PSMB11: variants seen among roughly 807,000 people sequenced by gnomAD.
PSMB11 encodes the protein proteasome subunit beta 11.
For synonymous variants in PSMB11, 163 were observed against 167.7 expected, an observed-to-expected ratio of 0.97 and a Z score of 0.22; for missense variants, 411 against 408.2, an observed-to-expected ratio of 1.01 and a Z score of -0.06.
In PSMB11 at chr14:23,042,512, G is replaced by A. The variant is rs1160962704; in HGVS notation, c.287G>A (p.Gly96Asp). Reference sequence around the variant, plus strand: ...CAGCACCTCCTGGGTACCACCTCTGGCACCTCTGCCGACTGTGCTACCTGG... The same window carrying A: ...CAGCACCTCCTGGGTACCACCTCTGACACCTCTGCCGACTGTGCTACCTGG... ...VHQHLLGTTS[G>D]TSADCATWYR... Residue 96 changes from glycine (G) to aspartate (D), a missense_variant, in exon 1 of 1, where the codon GGC becomes GAC. Transcript: ENST00000408907. 8 of 1,614,208 alleles carry A rather than the reference G, an allele frequency of 5.0e-6. No individual in the cohort carries two copies. The highest frequency in any genetic ancestry group is 6.8e-6 in the Non-Finnish European group (8 of 1,180,038).
In PSMB11 at chr14:23,042,312, GCCCCGGGGTTGTGA is replaced by G; in HGVS notation, c.91_104del (p.Arg31SerfsTer31). On this transcript the variant is annotated frameshift_variant, in exon 1 of 1. Coordinates refer to ENST00000408907, the MANE Select transcript of PSMB11 (RefSeq NM_001099780.2). LOFTEE classifies it low-confidence loss of function (END_TRUNC). ...TGCCTCGGGCTGGCGGCTGGGCTGTGCCCCGGGGTTGTGACCCTCAAACCTTCCTGCAGATCCAT... is the reference window on the plus strand; with the variant it reads ...TGCCTCGGGCTGGCGGCTGGGCTGTGCCCTCAAACCTTCCTGCAGATCCAT... 3 of 1,613,656 alleles carry G rather than the reference GCCCCGGGGTTGTGA, an allele frequency of 1.9e-6. No individual in the cohort carries two copies. In the South Asian group the frequency reaches 3.3e-5, roughly 18 times the overall value.
At position 23,042,602 on chromosome 14, in the gene PSMB11, C is replaced by T; in HGVS notation, c.377C>T (p.Ala126Val). 1.2e-6 allele frequency: 2 copies of T among 1,614,170 alleles called. No individual in the cohort carries two copies. The highest frequency in any genetic ancestry group is 1.7e-6 in the Non-Finnish European group (2 of 1,180,034). Residue 126 changes from alanine to valine, a missense_variant, in exon 1 of 1, where the codon GCC becomes GTC. Ala to Val is a moderately conservative substitution (Grantham distance 64). Transcript: ENST00000408907. ...ELREGQLPSV[A>V]SAAKLLSAMM... ...AGGGAGGGTCAGCTGCCCAGTGTGG[C>T]CAGTGCTGCCAAGCTCTTGTCAGCC...
Position 23,043,594 on chromosome 14 carries a change from A to G in PSMB11, c.*466A>G, listed in dbSNP as rs1476893245. The G allele has an allele frequency of 5.8e-6, 1 of 172,918 alleles. No homozygotes were observed. Among genetic ancestry groups the G allele is most frequent in the Non-Finnish European group, 1.4e-5 (1 of 72,012 alleles). The allele number at this position is 172,918 out of a possible 1,614,324, so 10.7% of individuals were successfully genotyped here. ...CCGGGAAGGGAGCAGCCCCTCTCAG[A>G]ACGAGGCGTAGTGATAGACACCCTT... is the stretch of plus-strand genomic sequence containing the variant. On this transcript the variant is annotated 3_prime_UTR_variant, in exon 1 of 1. Coordinates refer to ENST00000408907, the MANE Select transcript of PSMB11 (RefSeq NM_001099780.2).
rs1377808536 is a variant in PSMB11, at chr14:23,043,128, A to C, written c.903A>C (p.Ter301CysextTer35). 6.2e-7 allele frequency: 1 copy of C among 1,603,072 alleles called. No individual in the cohort carries two copies. Among genetic ancestry groups the C allele is most frequent in the African/African-American group, 1.3e-5 (1 of 74,804 alleles). ...TGCCAGCAGGGACTGAGACGGTGTG[A>C]GAAGCAGGACTTGGTTGGGGATGGT... ...SRMPAGTETV[*>C] Residue 301 changes from the stop codon to cysteine (C), a stop_lost, in exon 1 of 1, where the codon TGA (stop) becomes TGC (cysteine). Coordinates refer to ENST00000408907, the MANE Select transcript of PSMB11 (RefSeq NM_001099780.2).
At position 23,042,726 on chromosome 14, in the gene PSMB11, C is replaced by T. The variant is rs370430852; in HGVS notation, c.501C>T (p.Gly167=). The change falls in exon 1 of 1, where the codon GGC becomes GGT. Residue 167 remains glycine, a synonymous_variant. Transcript: ENST00000408907. ...GPELFYVYSD[G]TRLQGDIFSV... is the part of the protein sequence containing the mutation. ...AGCTCTTCTACGTCTATAGCGACGG[C>T]ACCCGCCTGCAGGGGGACATCTTCT... 4.3e-6 allele frequency: 7 copies of T among 1,612,678 alleles called. No individual in the cohort carries two copies. In the African/African-American group the frequency reaches 9.3e-5, roughly 22 times the overall value.
At position 23,043,233 on chromosome 14, in the gene PSMB11, G is replaced by A; in HGVS notation, c.*105G>A. The A allele has an allele frequency of 2.7e-6, 2 of 747,300 alleles. No individual in the cohort carries two copies. The highest frequency in any genetic ancestry group is 4.4e-6 in the Non-Finnish European group (2 of 459,382). 46.3% of individuals were successfully genotyped at this position (747,300 alleles called of 1,614,324 possible). A position where few individuals can be genotyped will look rare whatever the true frequency, so the allele number is the denominator to read the frequency against. The stretch of plus-strand genomic sequence containing the variant: ...AGCAGCCTCACAGCGTCTGGCTCTA[G>A]CCTGTATGGGTTGCTGGCTTCATTT... On this transcript the variant is annotated 3_prime_UTR_variant, in exon 1 of 1. Coordinates refer to ENST00000408907, the MANE Select transcript of PSMB11 (RefSeq NM_001099780.2).
rs1178086614 is a variant in PSMB11 at position 23,042,787 on chromosome 14, C to G, written c.562C>G (p.Leu188Val). Reference sequence around the variant, plus strand: ...TGGATCTCCCTATGCCTACGGCGTGCTAGACCGTGGCTATCGCTACGACAT... The same window carrying G: ...TGGATCTCCCTATGCCTACGGCGTGGTAGACCGTGGCTATCGCTACGACAT... ...GSGSPYAYGV[L>V]DRGYRYDMST... Residue 188 changes from leucine (L) to valine (V), a missense_variant, in exon 1 of 1, where the codon CTA (leucine) becomes GTA (valine). Physicochemically the swap from Leu to Val is conservative, Grantham distance 32 (BLOSUM62 1). Transcript: ENST00000408907. 2.5e-6 allele frequency: 4 copies of G among 1,613,030 alleles called. No homozygotes were observed. The African/African-American group carries it at 5.3e-5, about 21-fold the overall frequency.
At position 23,042,740 on chromosome 14, in the gene PSMB11, G is replaced by C. The variant is rs1002822903; in HGVS notation, c.515G>C (p.Gly172Ala). 5 of 1,613,204 alleles carry C rather than the reference G, an allele frequency of 3.1e-6. No homozygotes were observed. The African/African-American group carries it at 6.7e-5, about 22-fold the overall frequency. The change falls in exon 1 of 1, where the codon GGG (glycine) becomes GCG (alanine). Residue 172 changes from glycine to alanine, a missense_variant. Coordinates refer to ENST00000408907, the MANE Select transcript of PSMB11 (RefSeq NM_001099780.2). ...TATAGCGACGGCACCCGCCTGCAGG[G>C]GGACATCTTCTCTGTGGGCTCTGGA... ...YVYSDGTRLQ[G>A]DIFSVGSGSP...
At position 23,043,010 on chromosome 14, in the gene PSMB11, A is replaced by C. The variant is rs747475948; in HGVS notation, c.785A>C (p.His262Pro). The change falls in exon 1 of 1, where the codon CAT (histidine) becomes CCT (proline). Residue 262 changes from histidine to proline, a missense_variant. Transcript: ENST00000408907. Reference sequence around the variant, plus strand: ...CCGGAGCCAGAGGAGGATGCCAGCCATGCCCATCCTGAGCCTGCCACTGCC... The same window carrying C: ...CCGGAGCCAGAGGAGGATGCCAGCCCTGCCCATCCTGAGCCTGCCACTGCC... ...LEPEPEEDAS[H>P]AHPEPATAHR... is the part of the protein sequence containing the mutation. 6.2e-7 allele frequency: 1 copy of C among 1,614,000 alleles called. No individual in the cohort carries two copies. Among genetic ancestry groups the C allele is most frequent in the East Asian group, 2.2e-5 (1 of 44,880 alleles).
rs2047021905 is a variant in PSMB11, at chr14:23,042,898, C to T, written c.673C>T (p.Leu225Phe). ...RDAYSGGSVDLFHVRESGWEH... is the reference protein window; with the variant it reads ...RDAYSGGSVDFFHVRESGWEH... ...TGCCTATTCAGGGGGCTCTGTAGAC[C>T]TTTTCCACGTGCGGGAGAGTGGATG... The change falls in exon 1 of 1, where the codon CTT (leucine) becomes TTT (phenylalanine). Residue 225 changes from leucine to phenylalanine, a missense_variant. Leu to Phe is a conservative substitution (Grantham distance 22). Coordinates refer to ENST00000408907, the MANE Select transcript of PSMB11 (RefSeq NM_001099780.2). 6.2e-7 allele frequency: 1 copy of T among 1,613,954 alleles called. No individual in the cohort carries two copies. The highest frequency in any genetic ancestry group is 8.5e-7 in the Non-Finnish European group (1 of 1,179,984).
Position 23,042,285 on chromosome 14 carries a change from C to A in PSMB11, c.60C>A (p.His20Gln). ...CTGACACCCAGGGACCATCACCTCA[C>A]CTGCCTCGGGCTGGCGGCTGGGCTG... ...QSPDTQGPSPHLPRAGGWAVP... is the reference protein window; with the variant it reads ...QSPDTQGPSPQLPRAGGWAVP... The change falls in exon 1 of 1, where the codon CAC becomes CAA. Residue 20 changes from histidine to glutamine, a missense_variant. By Grantham distance (24) the His-to-Gln change is conservative. Coordinates refer to ENST00000408907, the MANE Select transcript of PSMB11 (RefSeq NM_001099780.2). The A allele has an allele frequency of 6.2e-7, 1 of 1,611,698 alleles. No homozygotes were observed. The highest frequency in any genetic ancestry group is 8.5e-7 in the Non-Finnish European group (1 of 1,178,790).
Position 23,042,624 on chromosome 14 carries a change from A to G in PSMB11, c.399A>G (p.Ser133=), listed in dbSNP as rs763676764. Residue 133 remains serine, a synonymous_variant, in exon 1 of 1, where the codon TCA becomes TCG. Transcript: ENST00000408907. ...PSVASAAKLL[S]AMMSQYRGLD... ...TGGCCAGTGCTGCCAAGCTCTTGTC[A>G]GCCATGATGTCTCAATACCGGGGAC... 7 of 1,614,044 alleles carry G rather than the reference A, an allele frequency of 4.3e-6. No homozygotes were observed. In the African/African-American group the frequency reaches 9.3e-5, roughly 22 times the overall value.
In PSMB11 at chr14:23,042,995, A is replaced by C; in HGVS notation, c.770A>C (p.Glu257Ala). The C allele has an allele frequency of 6.2e-7, 1 of 1,614,012 alleles. No individual in the cohort carries two copies. The highest frequency in any genetic ancestry group is 8.5e-7 in the Non-Finnish European group (1 of 1,179,988). Reference sequence around the variant, plus strand: ...CAGAAGCTCCTGGAGCCGGAGCCAGAGGAGGATGCCAGCCATGCCCATCCT... The same window carrying C: ...CAGAAGCTCCTGGAGCCGGAGCCAGCGGAGGATGCCAGCCATGCCCATCCT... Reference protein sequence around the residue: ...ELQKLLEPEPEEDASHAHPEP... With the variant: ...ELQKLLEPEPAEDASHAHPEP... The change falls in exon 1 of 1, where the codon GAG (glutamate) becomes GCG (alanine). Residue 257 changes from glutamate (E) to alanine (A), a missense_variant. Coordinates refer to ENST00000408907, the MANE Select transcript of PSMB11 (RefSeq NM_001099780.2).
chr14:23,042,950 G>C lies in PSMB11; in HGVS notation c.725G>C (p.Cys242Ser). 6.2e-7 allele frequency: 1 copy of C among 1,614,202 alleles called. No individual in the cohort carries two copies. Among genetic ancestry groups the C allele is most frequent in the South Asian group, 1.1e-5 (1 of 91,082 alleles). The change falls in exon 1 of 1, where the codon TGT (cysteine) becomes TCT (serine). Residue 242 changes from cysteine to serine, a missense_variant. Physicochemically the swap from Cys to Ser is moderately radical, Grantham distance 112 (BLOSUM62 -1). Transcript: ENST00000408907. ...GAGCATGTGTCACGCAGTGATGCCT[G>C]TGTGCTGTACGTGGAGTTACAGAAG... ...GWEHVSRSDA[C>S]VLYVELQKLL...
chr14:23,043,127 G>A lies in PSMB11; in HGVS notation c.902G>A (p.Ter301=). The part of the protein sequence containing the change: ...SRMPAGTETV[*] ...ATGCCAGCAGGGACTGAGACGGTGTGAGAAGCAGGACTTGGTTGGGGATGG... is the reference window on the plus strand; with the variant it reads ...ATGCCAGCAGGGACTGAGACGGTGTAAGAAGCAGGACTTGGTTGGGGATGG... Residue 301 remains the stop codon, a stop_retained_variant, in exon 1 of 1, where the codon TGA becomes TAA. Coordinates refer to ENST00000408907, the MANE Select transcript of PSMB11 (RefSeq NM_001099780.2). 6.2e-7 allele frequency: 1 copy of A among 1,603,310 alleles called. No individual in the cohort carries two copies. Among genetic ancestry groups the A allele is most frequent in the South Asian group, 1.1e-5 (1 of 89,910 alleles).
At position 23,043,045 on chromosome 14, in the gene PSMB11, G is replaced by T; in HGVS notation, c.820G>T (p.Ala274Ser). ...HPEPATAHRAAEDRELSVGPG... is the reference protein window; with the variant it reads ...HPEPATAHRASEDRELSVGPG... ...TGAGCCTGCCACTGCCCACAGAGCT[G>T]CAGAAGATAGAGAGCTCTCTGTGGG... Residue 274 changes from alanine to serine, a missense_variant, in exon 1 of 1, where the codon GCA (alanine) becomes TCA (serine). By Grantham distance (99) the Ala-to-Ser change is moderately conservative. Transcript: ENST00000408907. 2 of 1,613,918 alleles carry T rather than the reference G, an allele frequency of 1.2e-6. No homozygotes were observed. Among genetic ancestry groups the T allele is most frequent in the African/African-American group, 1.3e-5 (1 of 75,050 alleles).
Position 23,042,366 on chromosome 14 carries a change from C to T in PSMB11, c.141C>T (p.Ala47=). The T allele has an allele frequency of 6.2e-7, 1 of 1,613,776 alleles. No individual in the cohort carries two copies. The part of the protein sequence containing the change: ...TFLQIHGPRL[A]HGTTTLAFRF... ...TGCAGATCCATGGCCCCAGACTGGC[C>T]CACGGCACCACCACTCTGGCCTTCC... is the stretch of plus-strand genomic sequence containing the variant. Residue 47 remains alanine (A), a synonymous_variant, in exon 1 of 1, where the codon GCC becomes GCT. Transcript: ENST00000408907.
Position 23,043,904 on chromosome 14 carries a change from C to T in PSMB11, c.*776C>T, listed in dbSNP as rs777613200. On this transcript the variant is annotated 3_prime_UTR_variant, in exon 1 of 1. Transcript: ENST00000408907. ...CTCTGCCCTGCCTTTCCTCTCTTCC[C>T]TGCAGGCTTCCGGAGAGGGATGTGG... The T allele has an allele frequency of 6.0e-6, 1 of 167,386 alleles. No individual in the cohort carries two copies. The highest frequency in any genetic ancestry group is 2.4e-5 in the African/African-American group (1 of 41,430). The allele number at this position is 167,386 out of a possible 1,614,324, so 10.4% of individuals were successfully genotyped here.
Position 23,042,470 on chromosome 14 carries a change from A to G in PSMB11, c.245A>G (p.Lys82Arg). ...GSYVACPASCKVIPVHQHLLG... is the reference protein window; with the variant it reads ...GSYVACPASCRVIPVHQHLLG... ...TATGTGGCGTGTCCAGCCTCATGCA[A>G]GGTCATCCCTGTGCACCAGCACCTC... The change falls in exon 1 of 1, where the codon AAG becomes AGG. Residue 82 changes from lysine to arginine, a missense_variant. Transcript: ENST00000408907. 6.2e-7 allele frequency: 1 copy of G among 1,614,154 alleles called. No individual in the cohort carries two copies. The highest frequency in any genetic ancestry group is 8.5e-7 in the Non-Finnish European group (1 of 1,180,042).
Sources: gnomAD v4.1 joint callset for allele counts on GRCh38, gnomAD v4.1.1 for gene constraint, MANE v1.5 for transcripts, NCBI Gene and HGNC (gene_info 2026-07-23, HGNC 2026-07-21) for gene names.